Variants in IGSF3 observed in about 807,000 individuals in gnomAD.
IGSF3 encodes glu-Trp-Ile EWI motif-containing protein 3.
A neutral mutation model predicts 114.4 loss-of-function variants in IGSF3; 23 were observed. The observed-to-expected ratio is 0.20, with a 90% confidence interval of 0.14 to 0.28. The LOEUF (loss-of-function observed/expected upper bound fraction) is 0.28. IGSF3 is among the 10% of genes least tolerant of loss of function. The pLI is 1.00. For synonymous variants in IGSF3, 571 were observed against 645.2 expected, an observed-to-expected ratio of 0.88 and a Z score of 1.74; for missense variants, 1,172 against 1,591.5, an observed-to-expected ratio of 0.74 and a Z score of 4.48.
chr1:116,639,295 T>A (rs180973538), intron 2 of IGSF3, among the ~76,000 whole-genome samples: 261 of 152,352 alleles, frequency 1.7e-3, no homozygotes, highest in African/African-American at 5.9e-3. Flanking sequence ...CAGGACCAGG[T>A]CTTAAAGGGT....
rs757293195 is a variant in IGSF3, at chr1:116,577,099, T to C, written c.*213A>G. 4 of 569,888 alleles carry C rather than the reference T, an allele frequency of 7.0e-6. No individual in the cohort carries two copies. Among genetic ancestry groups the C allele is most frequent in the Non-Finnish European group, 1.2e-5 (4 of 320,812 alleles). 35.3% of individuals were successfully genotyped at this position (569,888 alleles called of 1,614,324 possible). A position where few individuals can be genotyped will look rare whatever the true frequency, so the allele number is the denominator to read the frequency against. The stretch of plus-strand genomic sequence containing the variant: ...AAACAAGAAATCTATAATGGCAGGA[T>C]CACAACATTTGCGCGCAAATAGCTA... On this transcript the variant is annotated 3_prime_UTR_variant, in exon 11 of 11. Transcript: ENST00000369486. The surrounding 1 kb of genome is among the most constrained non-coding windows in gnomAD (Gnocchi z 5.7).
At position 116,579,589 on chromosome 1, in the gene IGSF3, C is replaced by A; in HGVS notation, c.3137G>T (p.Gly1046Val). 6.2e-7 allele frequency: 1 copy of A among 1,614,168 alleles called. No individual in the cohort carries two copies. The highest frequency in any genetic ancestry group is 8.5e-7 in the Non-Finnish European group (1 of 1,180,044). Residue 1046 changes from glycine (G) to valine (V), a missense_variant, in exon 10 of 11, where the codon GGC (glycine) becomes GTC (valine). Physicochemically the swap from Gly to Val is moderately radical, Grantham distance 109 (BLOSUM62 -3). Coordinates refer to ENST00000369486, the MANE Select transcript of IGSF3 (RefSeq NM_001007237.3). This position sits in a 1 kb window ranked among gnomAD's most constrained non-coding sequence, Gnocchi z 6.4. ...VGPDAVFGPE[G>V]SPWEGRLRFQ... Reference sequence around the variant, plus strand: ...GCGAAGCCTGCCCTCCCAAGGACTGCCCTCTGGGCCAAAGACAGCATCTGG... The same window carrying A: ...GCGAAGCCTGCCCTCCCAAGGACTGACCTCTGGGCCAAAGACAGCATCTGG...
intron 2 of IGSF3, among the ~76,000 whole-genome samples, chr1:116,640,856 A>G (rs1157195988): frequency 6.6e-6 from 1 of 152,238 alleles, no homozygotes; most frequent in Non-Finnish European, 1.5e-5. Flanking sequence ...AAGTGTTTCT[A>G]TTCTTTGATG....
intron 2 of IGSF3, among the ~76,000 whole-genome samples, chr1:116,621,983 A>G (rs1163259106): frequency 6.6e-6 from 1 of 152,196 alleles, no homozygotes; most frequent in African/African-American, 2.4e-5. Flanking sequence ...GGGAGGGGTC[A>G]CTGTGTCTGG....
At position 116,664,497 on chromosome 1, in the gene IGSF3, C is replaced by A. The variant is rs1488929019; in HGVS notation, c.43+1787G>T. On this transcript the variant is annotated intron_variant, in intron 2 of 10. Transcript: ENST00000369486. This position sits in a 1 kb window ranked among gnomAD's most constrained non-coding sequence, Gnocchi z 4.6. ...CTGCCCTGGGCCCCACCCTGCCACT[C>A]AGCCCTCTTTCCCGCCTTAGCCACA... 1.3e-5 allele frequency among the ~76,000 whole-genome samples: 2 copies of A among 152,206 alleles called. No homozygotes were observed. The highest frequency in any genetic ancestry group is 2.4e-5 in the African/African-American group (1 of 41,448).
Position 116,584,924 on chromosome 1 carries a change from A to G in IGSF3, c.2569T>C (p.Trp857Arg). 2 of 1,613,880 alleles carry G rather than the reference A, an allele frequency of 1.2e-6. No homozygotes were observed. The highest frequency in any genetic ancestry group is 1.7e-6 in the Non-Finnish European group (2 of 1,179,728). ...TSQLMVEWFV[W>R]KPNHPERETV... ...TCCCGCTCAGGGTGGTTGGGCTTCC[A>G]TACAAACCATTCCACCATGAGCTGG... Residue 857 changes from tryptophan (W) to arginine (R), a missense_variant, in exon 9 of 11, where the codon TGG becomes CGG. Physicochemically the swap from Trp to Arg is moderately radical, Grantham distance 101. Around this residue, in one of 3 missense-constraint regions of IGSF3, gnomAD observed 423 missense variants for 509.8 expected, o/e 0.83. Transcript: ENST00000369486. The surrounding 1 kb of genome is among the most constrained non-coding windows in gnomAD (Gnocchi z 5.8).
chr1:116,608,574 G>T (rs1403532198), intron 4 of IGSF3, among the ~76,000 whole-genome samples: 1 of 152,130 alleles, frequency 6.6e-6, no homozygotes, highest in Non-Finnish European at 1.5e-5. Flanking sequence ...TAAGCAAACT[G>T]TTACCCCAGT....
rs1648587758 is a variant in IGSF3, at chr1:116,650,483, A to G, written c.43+15801T>C. Among the ~76,000 whole-genome samples, 1 of 152,138 alleles carries G rather than the reference A, an allele frequency of 6.6e-6. No homozygotes were observed. Among genetic ancestry groups the G allele is most frequent in the South Asian group, 2.1e-4 (1 of 4,816 alleles). ...CATGTCACACGCCCATGTCTAAATTACGGGCCTCCAGGATGGGCTCAGCTC... is the reference window on the plus strand; with the variant it reads ...CATGTCACACGCCCATGTCTAAATTGCGGGCCTCCAGGATGGGCTCAGCTC... On this transcript the variant is annotated intron_variant, in intron 2 of 10. Coordinates refer to ENST00000369486, the MANE Select transcript of IGSF3 (RefSeq NM_001007237.3). The surrounding 1 kb of genome is among the most constrained non-coding windows in gnomAD (Gnocchi z 5.0).
Position 116,593,487 on chromosome 1 carries a change from G to A in IGSF3, c.2030-4383C>T, listed in dbSNP as rs1222333645. 6.6e-6 allele frequency among the ~76,000 whole-genome samples: 1 copy of A among 152,212 alleles called. No homozygotes were observed. Among genetic ancestry groups the A allele is most frequent in the Non-Finnish European group, 1.5e-5 (1 of 68,042 alleles). ...CAGGAGATGTTTCAAGTGGAGAGAAGCAAGTCAGATGAGAGACAAGGAAAG... is the reference window on the plus strand; with the variant it reads ...CAGGAGATGTTTCAAGTGGAGAGAAACAAGTCAGATGAGAGACAAGGAAAG... On this transcript the variant is annotated intron_variant, in intron 7 of 10. Coordinates refer to ENST00000369486, the MANE Select transcript of IGSF3 (RefSeq NM_001007237.3). The surrounding 1 kb of genome is among the most constrained non-coding windows in gnomAD (Gnocchi z 4.5).
intron 2 of IGSF3, among the ~76,000 whole-genome samples, chr1:116,659,397 G>A (rs552204252): frequency 6.6e-6 from 1 of 152,220 alleles, no homozygotes; most frequent in Admixed American, 6.5e-5. Flanking sequence ...TTCTTGATGA[G>A]AGAATTTGGC....
Position 116,633,844 on chromosome 1 carries a change from T to C in IGSF3, c.44-17387A>G, listed in dbSNP as rs1647704589. On this transcript the variant is annotated intron_variant, in intron 2 of 10. Transcript: ENST00000369486. The surrounding 1 kb of genome is among the most constrained non-coding windows in gnomAD (Gnocchi z 4.3). Reference sequence around the variant, plus strand: ...TAGAAGCAGCACTTAAAATTACAGGTTCAGAAAAAGCTTGAACAGAATCCA... The same window carrying C: ...TAGAAGCAGCACTTAAAATTACAGGCTCAGAAAAAGCTTGAACAGAATCCA... Among the ~76,000 whole-genome samples, 1 of 152,104 alleles carries C rather than the reference T, an allele frequency of 6.6e-6. No individual in the cohort carries two copies. The highest frequency in any genetic ancestry group is 2.4e-5 in the African/African-American group (1 of 41,422).
Position 116,581,529 on chromosome 1 carries a change from C to T in IGSF3, c.2849-1652G>A, listed in dbSNP as rs566030713. Among the ~76,000 whole-genome samples, 11 of 152,256 alleles carry T rather than the reference C, an allele frequency of 7.2e-5. 1 individual carries two copies. The highest frequency in any genetic ancestry group is 2.6e-4 in the African/African-American group (11 of 41,552). On this transcript the variant is annotated intron_variant, in intron 9 of 10. Transcript: ENST00000369486. ...AGCACTTTCCAAGTATTGTCCTGGGCTTTCAATGAATTGGCTTAGTGTCGC... is the reference window on the plus strand; with the variant it reads ...AGCACTTTCCAAGTATTGTCCTGGGTTTTCAATGAATTGGCTTAGTGTCGC...
At position 116,638,900 on chromosome 1, in the gene IGSF3, G is replaced by A. The variant is rs10923128; in HGVS notation, c.44-22443C>T. On this transcript the variant is annotated intron_variant, in intron 2 of 10. Transcript: ENST00000369486. The surrounding 1 kb of genome is among the most constrained non-coding windows in gnomAD (Gnocchi z 4.1). ...CCCCAAGGTTAAGTATCTGCCCAGGGTCACGTGCAAAGTCTGCATGCATGC... is the reference window on the plus strand; with the variant it reads ...CCCCAAGGTTAAGTATCTGCCCAGGATCACGTGCAAAGTCTGCATGCATGC... 0.06 allele frequency among the ~76,000 whole-genome samples: 9,089 copies of A among 152,178 alleles called. 875 individuals are homozygous for A. Among genetic ancestry groups the A allele is most frequent in the African/African-American group, 0.21 (8,505 of 41,438 alleles).
At position 116,647,830 on chromosome 1, in the gene IGSF3, A is replaced by G. The variant is rs1648462753; in HGVS notation, c.43+18454T>C. 6.6e-6 allele frequency among the ~76,000 whole-genome samples: 1 copy of G among 152,244 alleles called. No individual in the cohort carries two copies. On this transcript the variant is annotated intron_variant, in intron 2 of 10. Coordinates refer to ENST00000369486, the MANE Select transcript of IGSF3 (RefSeq NM_001007237.3). The surrounding 1 kb of genome is among the most constrained non-coding windows in gnomAD (Gnocchi z 4.6). ...GTAAAATAAGAGCAGCTGACTGGGCACGGTGGCTCACGCCTGTAATCCAAG... is the reference window on the plus strand; with the variant it reads ...GTAAAATAAGAGCAGCTGACTGGGCGCGGTGGCTCACGCCTGTAATCCAAG...
intron 2 of IGSF3, among the ~76,000 whole-genome samples, chr1:116,652,911 G>C (rs771337941): frequency 1.3e-5 from 2 of 152,154 alleles, no homozygotes; most frequent in Admixed American, 6.5e-5. Context: ...GTACCCGTAC[G>C]GAGATTTAGT....
rs1252027692 is a variant in IGSF3, at chr1:116,629,616, G to T, written c.44-13159C>A. ...GGGGGCTGATGTGAAATAGGGAATGGGTGGCGAGAAAATGATTGCAAAATT... is the reference window on the plus strand; with the variant it reads ...GGGGGCTGATGTGAAATAGGGAATGTGTGGCGAGAAAATGATTGCAAAATT... On this transcript the variant is annotated intron_variant, in intron 2 of 10. Transcript: ENST00000369486. The surrounding 1 kb of genome is among the most constrained non-coding windows in gnomAD (Gnocchi z 4.3). Among the ~76,000 whole-genome samples, 1 of 152,162 alleles carries T rather than the reference G, an allele frequency of 6.6e-6. No individual in the cohort carries two copies. The highest frequency in any genetic ancestry group is 6.5e-5 in the Admixed American group (1 of 15,274).
rs893690845 is a variant in IGSF3, at chr1:116,661,657, G to A, written c.43+4627C>T. 1.3e-5 allele frequency among the ~76,000 whole-genome samples: 2 copies of A among 152,140 alleles called. No homozygotes were observed. The highest frequency in any genetic ancestry group is 1.9e-4 in the East Asian group (1 of 5,196). On this transcript the variant is annotated intron_variant, in intron 2 of 10. Transcript: ENST00000369486. The surrounding 1 kb of genome is among the most constrained non-coding windows in gnomAD (Gnocchi z 4.0). ...ACAGGATTTGGAACCAAATGGTCCT[G>A]GCTTCAAAACCCTACTCTGCCACTT...
chr1:116,609,731 T>C lies in IGSF3; in HGVS notation c.833-1400A>G, dbSNP rs1178770121. ...CTTCCCTAGACTGGCATGTCTAGCC[T>C]TTCCCACTATCTTCAAGATCTTGCC... On this transcript the variant is annotated intron_variant, in intron 4 of 10. Coordinates refer to ENST00000369486, the MANE Select transcript of IGSF3 (RefSeq NM_001007237.3). 3.9e-5 allele frequency among the ~76,000 whole-genome samples: 6 copies of C among 152,198 alleles called. 1 individual carries two copies. The highest frequency in any genetic ancestry group is 1.2e-4 in the African/African-American group (5 of 41,526).
intron 6 of IGSF3, among the ~76,000 whole-genome samples, chr1:116,601,150 C>T (rs1198531796): frequency 6.6e-6 from 1 of 152,154 alleles, no homozygotes; most frequent in Non-Finnish European, 1.5e-5. Flanking sequence ...TCATCATGCT[C>T]CACTGAATCC....
Sources: gnomAD v4.1 joint callset for allele counts (sites outside exome capture counted in the v4.1 genomes callset) on GRCh38, gnomAD v4.1.1 for gene constraint, gnomAD v4.1.1 regional missense constraint, Gnocchi (gnomAD v3.1) non-coding constraint, MANE v1.5 for transcripts, NCBI Gene and HGNC (gene_info 2026-07-23, HGNC 2026-07-21) for gene names.